Variants in INSL6 observed in about 807,000 individuals in gnomAD.
INSL6 encodes insulin like 6, also known as insulin-like peptide INSL6.
A neutral mutation model predicts 9.4 loss-of-function variants in INSL6; 16 were observed. The ratio of observed to expected loss-of-function variants is 1.70; its 90% CI spans 1.15 to 2.59. The LOEUF (loss-of-function observed/expected upper bound fraction) is 2.59. Ranked by LOEUF, INSL6 falls within the 30% of genes most tolerant of loss-of-function variation. INSL6 has a pLI of 0.00. For missense variants in INSL6, 391 were observed against 257.3 expected, an observed-to-expected ratio of 1.52 and a Z score of -3.56; for synonymous variants, 154 against 96.9, an observed-to-expected ratio of 1.59 and a Z score of -3.46.
At chr9:5,175,162 G>A (rs182539337) in intron 1 of INSL6, among the ~76,000 whole-genome samples, 4 of 152,064 alleles carry the variant, frequency 2.6e-5, no homozygotes, top group African/African-American at 7.2e-5. Context: ...GGATGGTCTC[G>A]ATCTCCTGAC....
chr9:5,128,987 A>T (rs1457684243), intron 3 of INSL6, among the ~76,000 whole-genome samples: 1 of 152,016 alleles, frequency 6.6e-6, no homozygotes, highest in Non-Finnish European at 1.5e-5. Context: ...TGTTTGGAAA[A>T]TAGTCACTTT....
intron 1 of INSL6, among the ~76,000 whole-genome samples, chr9:5,181,322 T>C (rs1825446964): frequency 6.6e-6 from 1 of 152,040 alleles, no homozygotes; most frequent in Non-Finnish European, 1.5e-5. Context: ...ATAGTAACGA[T>C]AAAAGGCCAA....
chr9:5,004,025 T>C, the INSL6 span, among the ~76,000 whole-genome samples: 1 of 152,162 alleles, frequency 6.6e-6, no homozygotes, highest in African/African-American at 2.4e-5. Context: ...CTAAATTACA[T>C]AAAAATTGTA....
the INSL6 span, among the ~76,000 whole-genome samples, chr9:5,067,612 A>AT: frequency 6.6e-6 from 1 of 151,996 alleles, no homozygotes; most frequent in South Asian, 2.1e-4. Flanking sequence ...TCCTGTTACT[A>AT]TAACAGATAA....
the INSL6 span, chr9:5,077,524 A>C: frequency 3.4e-5 from 50 of 1,479,452 alleles, 1 homozygote; most frequent in Non-Finnish European, 4.5e-5. Flanking sequence ...AAATTGTATA[A>C]ATATATTATG....
the INSL6 span, among the ~76,000 whole-genome samples, chr9:5,078,805 T>G: frequency 2.0e-5 from 3 of 152,140 alleles, no homozygotes; most frequent in Non-Finnish European, 4.4e-5. Flanking sequence ...AGCCTGAGAT[T>G]TTAGGATTTT....
At chr9:5,111,312 C>T in the INSL6 span, 1 of 460,276 alleles carries the variant, frequency 2.2e-6, no homozygotes, top group East Asian at 5.2e-5. Flanking sequence ...CCTCAGCAGC[C>T]CCGGACCCCT....
At chr9:5,010,399 C>A in the INSL6 span, among the ~76,000 whole-genome samples, 1 of 151,838 alleles carries the variant, frequency 6.6e-6, no homozygotes, top group Non-Finnish European at 1.5e-5. Flanking sequence ...ACCTCCGTTG[C>A]AACCTCTGCC....
the INSL6 span, chr9:5,050,642 A>G: frequency 6.4e-7 from 1 of 1,559,900 alleles, no homozygotes. Flanking sequence ...AAACATGATA[A>G]TGAAACTTAC....
intron 1 of INSL6, among the ~76,000 whole-genome samples, chr9:5,184,866 C>G (rs930493117): frequency 1.3e-5 from 2 of 152,160 alleles, no homozygotes; most frequent in African/African-American, 4.8e-5. Flanking sequence ...ACAAGGTACT[C>G]TGCATTTTTA....
chr9:5,127,455 G>T (rs1002175353), intron 3 of INSL6: 1 of 231,320 alleles, frequency 4.3e-6, no homozygotes, highest in Non-Finnish European at 8.6e-6. Context: ...ATTTGTATAG[G>T]AAATTTCCCT....
chr9:5,030,925 A>G, the INSL6 span, among the ~76,000 whole-genome samples: 14,043 of 152,182 alleles, frequency 0.092, 1,956 homozygotes, highest in African/African-American at 0.31. Flanking sequence ...TAGATGTACA[A>G]AAATCAACAG....
At chr9:5,049,936 T>C in the INSL6 span, among the ~76,000 whole-genome samples, 2 of 152,166 alleles carry the variant, frequency 1.3e-5, no homozygotes, top group Non-Finnish European at 1.5e-5. Flanking sequence ...ATAAAAAAGA[T>C]ACAGTAAAAA....
intron 1 of INSL6, among the ~76,000 whole-genome samples, chr9:5,178,309 G>A (rs1825363348): frequency 1.3e-5 from 2 of 152,162 alleles, no homozygotes; most frequent in African/African-American, 2.4e-5. Context: ...TAGGGAGGAG[G>A]GGCTGCCGCC....
the INSL6 span, chr9:5,040,854 G>A: frequency 4.4e-6 from 1 of 228,178 alleles, no homozygotes; most frequent in Non-Finnish European, 8.8e-6. Flanking sequence ...AGCGCGAGCA[G>A]GAGAGGGGCC....
intron 2 of INSL6, among the ~76,000 whole-genome samples, chr9:5,136,406 A>G (rs1002640498): frequency 1.3e-5 from 2 of 152,250 alleles, no homozygotes; most frequent in Non-Finnish European, 2.9e-5. Context: ...GCAGCACATC[A>G]AAAAGCTTAT....
the INSL6 span, chr9:5,111,524 C>A: frequency 2.7e-6 from 1 of 369,522 alleles, no homozygotes; most frequent in Admixed American, 3.7e-5. Context: ...CGCCAAGACG[C>A]CCAGCAGCGC....
chr9:5,037,667 T>C, the INSL6 span, among the ~76,000 whole-genome samples: 26 of 151,902 alleles, frequency 1.7e-4, no homozygotes, highest in Non-Finnish European at 2.9e-4. Flanking sequence ...TGAGAACACA[T>C]GGACACAGGA....
the INSL6 span, chr9:5,022,318 CT>C: frequency 1.5e-6 from 1 of 674,616 alleles, no homozygotes; most frequent in African/African-American, 1.8e-5. Flanking sequence ...TTTTTTAATG[CT>C]TGTATGGCTG....
Sources: gnomAD v4.1 joint callset for allele counts (sites outside exome capture counted in the v4.1 genomes callset) on GRCh38, gnomAD v4.1.1 for gene constraint, MANE v1.5 for transcripts, NCBI Gene and HGNC (gene_info 2026-07-23, HGNC 2026-07-21) for gene names.